Variants in AMD1 observed in about 807,000 individuals in gnomAD.
The protein encoded by AMD1 is adenosylmethionine decarboxylase 1.
A neutral mutation model predicts 40.2 loss-of-function variants in AMD1; 11 were observed. The ratio of observed to expected loss-of-function variants is 0.27; its 90% CI spans 0.17 to 0.45. The LOEUF is 0.45. Ranked by LOEUF, AMD1 falls within the 20% of genes least tolerant of loss-of-function variation. AMD1 has a pLI of 1.00. For synonymous variants in AMD1, 121 were observed against 130.8 expected (o/e 0.93, Z 0.51); for missense variants, 257 against 410.2 (o/e 0.63, Z 3.23).
chr6:110,871,703 T>C (rs1186739682), upstream of AMD1, among the ~76,000 whole-genome samples: 2 of 152,250 alleles, frequency 1.3e-5, no homozygotes, highest in East Asian at 3.8e-4. Flanking sequence ...CAGATTTTGC[T>C]GTGAAAAGTA....
the AMD1 span, among the ~76,000 whole-genome samples, chr6:110,842,613 A>G: frequency 1.3e-5 from 2 of 152,298 alleles, no homozygotes; most frequent in South Asian, 2.1e-4. Context: ...TTCTGCCAAC[A>G]TTCAAGCAAC....
At chr6:110,851,458 ATTG>A in the AMD1 span, among the ~76,000 whole-genome samples, 5 of 150,146 alleles carry the variant, frequency 3.3e-5, no homozygotes, top group South Asian at 8.5e-4. Context: ...TGTTGTTTTC[ATTG>A]TTGTTGTTGT....
chr6:110,890,459 T>C, intron 4 of AMD1, 103 bp downstream of exon 4: 1 of 825,458 alleles, frequency 1.2e-6, no homozygotes, highest in East Asian at 2.6e-5. Flanking sequence ...TATAGCATTC[T>C]ACACACACTA....
At chr6:110,822,249 C>T in the AMD1 span, among the ~76,000 whole-genome samples, 22 of 152,102 alleles carry the variant, frequency 1.4e-4, no homozygotes, top group Non-Finnish European at 3.1e-4. Context: ...AAAATGGAGA[C>T]ATTACAACTA....
chr6:110,864,498 A>C, the AMD1 span: 1 of 153,572 alleles, frequency 6.5e-6, no homozygotes, highest in Non-Finnish European at 1.5e-5. Context: ...AATAAATTAT[A>C]AATGTTTTAT....
the AMD1 span, chr6:110,858,165 G>A: frequency 9.9e-6 from 6 of 606,760 alleles, no homozygotes; most frequent in Non-Finnish European, 1.8e-5. Context: ...ATCCCTAGAG[G>A]AGTGCGTCCC....
chr6:110,858,717 A>T, the AMD1 span: 1 of 804,902 alleles, frequency 1.2e-6, no homozygotes, highest in East Asian at 2.5e-5. Context: ...GCCACCATGA[A>T]GGCTGGCCAG....
chr6:110,883,799 T>TTG (rs1321856262), intron 1 of AMD1, among the ~76,000 whole-genome samples: 1 of 152,042 alleles, frequency 6.6e-6, no homozygotes, highest in East Asian at 1.9e-4. Context: ...GGGTTTCACC[T>TTG]TGTTAGCCAG....
chr6:110,832,604 G>C, the AMD1 span, among the ~76,000 whole-genome samples: 147 of 152,208 alleles, frequency 9.7e-4, no homozygotes, highest in African/African-American at 3.3e-3. Context: ...CTGCCTATAC[G>C]CTACTACAAA....
the AMD1 span, among the ~76,000 whole-genome samples, chr6:110,827,046 C>T: frequency 6.6e-6 from 1 of 152,068 alleles, no homozygotes; most frequent in African/African-American, 2.4e-5. Flanking sequence ...TTAGGGCCCT[C>T]ACTAGTCCAG....
the AMD1 span, among the ~76,000 whole-genome samples, chr6:110,825,002 G>T: frequency 6.6e-6 from 1 of 152,042 alleles, no homozygotes; most frequent in Non-Finnish European, 1.5e-5. Flanking sequence ...GACTATAGAG[G>T]GCAAAGACTG....
At chr6:110,866,784 G>A in the AMD1 span, among the ~76,000 whole-genome samples, 1 of 151,994 alleles carries the variant, frequency 6.6e-6, no homozygotes, top group African/African-American at 2.4e-5. Context: ...GCCATATATG[G>A]TGGTATCGGT....
intron 8 of AMD1, 99 bp from the exon 9 acceptor site, chr6:110,893,377 C>T (rs1786140478): frequency 2.7e-6 from 4 of 1,485,730 alleles, no homozygotes; most frequent in African/African-American, 2.8e-5. Flanking sequence ...ACTCAGATGT[C>T]TTAGTTTCAT....
At chr6:110,835,990 G>A in the AMD1 span, among the ~76,000 whole-genome samples, 6 of 130,038 alleles carry the variant, frequency 4.6e-5, no homozygotes, top group Non-Finnish European at 9.3e-5. Context: ...TCCAGCCTGG[G>A]CAACAGACCA....
In AMD1 at chr6:110,875,132, G is replaced by C; in HGVS notation, c.27G>C (p.Gly9=). ...TGGAAGCTGCACATTTTTTCGAAGG[G>C]ACCGAGAAGCTGCTGGAGGTTTGGT... The part of the protein sequence containing the change: MEAAHFFE[G]TEKLLEVWFS... The change falls in exon 1 of 9, where the codon GGG becomes GGC. Residue 9 remains glycine, a synonymous_variant. Transcript: ENST00000368885. 6.2e-7 allele frequency: 1 copy of C among 1,613,572 alleles called. No homozygotes were observed. The highest frequency in any genetic ancestry group is 8.5e-7 in the Non-Finnish European group (1 of 1,179,810).
intron 1 of AMD1, among the ~76,000 whole-genome samples, chr6:110,883,343 C>A (rs555795192): frequency 6.6e-6 from 1 of 152,244 alleles, no homozygotes; most frequent in South Asian, 2.1e-4. Context: ...TGTGGTATCT[C>A]CTCGCTGATT....
At chr6:110,841,869 C>T in the AMD1 span, among the ~76,000 whole-genome samples, 11 of 151,974 alleles carry the variant, frequency 7.2e-5, no homozygotes, top group Non-Finnish European at 1.3e-4. Context: ...GTGGCATGAT[C>T]TCAACTCATT....
At chr6:110,862,583 C>T in the AMD1 span, among the ~76,000 whole-genome samples, 9 of 151,770 alleles carry the variant, frequency 5.9e-5, no homozygotes, top group Non-Finnish European at 8.8e-5. Context: ...TCTTATGCCT[C>T]AGCCTCCCAA....
At chr6:110,815,252 C>G in the AMD1 span, 7 of 1,186,718 alleles carry the variant, frequency 5.9e-6, no homozygotes, top group Middle Eastern at 3.2e-4. Context: ...CGCGCGCGCG[C>G]GCGCGCCGCC....
Sources: gnomAD v4.1 joint callset for allele counts (sites outside exome capture counted in the v4.1 genomes callset) on GRCh38, gnomAD v4.1.1 for gene constraint, MANE v1.5 for transcripts, NCBI Gene and HGNC (gene_info 2026-07-23, HGNC 2026-07-21) for gene names.